The following GLDC variants were observed in gnomAD, a reference collection of about 807,000 sequenced individuals.
GLDC encodes glycine decarboxylase.
A neutral mutation model predicts 121.3 loss-of-function variants in GLDC; 104 were observed. The observed-to-expected ratio is 0.86, with a 90% CI of 0.73 to 1.01. The LOEUF (loss-of-function observed/expected upper bound fraction) is 1.01, where lower values mean the gene tolerates loss of function less well. GLDC is among the 50% of genes least tolerant of loss of function. The probability of loss-of-function intolerance (pLI) is 0.00; values close to 1 mark genes in which losing one functional copy is unlikely to be tolerated. For synonymous variants in GLDC, 546 were observed against 480.6 expected, an observed-to-expected ratio of 1.14 and a Z score of -1.78; for missense variants, 1,429 against 1,306.6, an observed-to-expected ratio of 1.09 and a Z score of -1.44.
At chr9:6,639,619 C>T in intron 2 of GLDC, 1 of 669,540 alleles carries the variant, frequency 1.5e-6, no homozygotes, top group Non-Finnish European at 2.7e-6. Flanking sequence ...TAAACTGAGT[C>T]CAGCTGCCTA....
intron 14 of GLDC, among the ~76,000 whole-genome samples, chr9:6,587,967 C>T (rs937214994): frequency 2.0e-5 from 3 of 152,036 alleles, no homozygotes; most frequent in African/African-American, 4.8e-5. Context: ...ACCACAACAG[C>T]GAGTTGCACA....
rs758288549 is a variant in GLDC at position 6,589,196 on chromosome 9, T to C, written c.1579A>G (p.Ser527Gly). 1.9e-6 allele frequency: 3 copies of C among 1,576,706 alleles called. No individual in the cohort carries two copies. Among genetic ancestry groups the C allele is most frequent in the East Asian group, 4.5e-5 (2 of 44,686 alleles). Reference protein sequence around the residue: ...SPFLTHQVFNSYHSETNIVRY... With the variant: ...SPFLTHQVFNGYHSETNIVRY... ...AGAAGTCACACAAGACACACAAACCTGTTGAACACTTGATGGGTGAGGAAC... is the reference window on the plus strand; with the variant it reads ...AGAAGTCACACAAGACACACAAACCCGTTGAACACTTGATGGGTGAGGAAC... The change falls in exon 12 of 25, where the codon AGC (serine) becomes GGC (glycine). Residue 527 changes from serine to glycine, a missense_variant and splice_region_variant. By Grantham distance (56) the Ser-to-Gly change is moderately conservative (BLOSUM62 0). Transcript: ENST00000321612.
intron 20 of GLDC, among the ~76,000 whole-genome samples, chr9:6,551,337 G>C (rs887377411): frequency 1.3e-5 from 2 of 152,150 alleles, no homozygotes; most frequent in African/African-American, 4.8e-5. Context: ...ATTTTGTCTG[G>C]TTTATTTTCC....
At chr9:6,624,421 C>A (rs1224157159) in intron 2 of GLDC, among the ~76,000 whole-genome samples, 2 of 152,136 alleles carry the variant, frequency 1.3e-5, no homozygotes, top group African/African-American at 4.8e-5. Flanking sequence ...GTGATGATGG[C>A]AGCAGAGACT....
chr9:6,596,759 C>T (rs186180394), intron 8 of GLDC, among the ~76,000 whole-genome samples: 13 of 152,198 alleles, frequency 8.5e-5, no homozygotes, highest in African/African-American at 2.2e-4. Flanking sequence ...GGTGAAAATA[C>T]GGAGAAATTA....
chr9:6,556,277 G>A lies in GLDC; in HGVS notation c.2078C>T (p.Ala693Val), dbSNP rs761555221. ...AMVDKHKENL[A>V]AIMITYPSTN... Reference sequence around the variant, plus strand: ...GGATGGGTATGTAATCATGATAGCTGCTAGGTTCTCCTTGTGCTTATCCAC... The same window carrying A: ...GGATGGGTATGTAATCATGATAGCTACTAGGTTCTCCTTGTGCTTATCCAC... The change falls in exon 18 of 25, where the codon GCA becomes GTA. Residue 693 changes from alanine (A) to valine (V), a missense_variant. Coordinates refer to ENST00000321612, the MANE Select transcript of GLDC (RefSeq NM_000170.3). 1.9e-6 allele frequency: 3 copies of A among 1,613,380 alleles called. No individual in the cohort carries two copies. The South Asian group carries it at 3.3e-5, about 18-fold the overall frequency.
chr9:6,610,498 T>C (rs763345943), intron 3 of GLDC, 142 bp from the exon 4 acceptor site: 3 of 771,084 alleles, frequency 3.9e-6, no homozygotes, highest in Non-Finnish European at 6.8e-6. Flanking sequence ...AGCTTCTTTT[T>C]GGCCTTTGTA....
chr9:6,605,646 G>A (rs930072248), intron 5 of GLDC, among the ~76,000 whole-genome samples: 4 of 152,180 alleles, frequency 2.6e-5, no homozygotes, highest in African/African-American at 9.7e-5. Context: ...AAAACCATAA[G>A]TAAGACAAGG....
intron 2 of GLDC, among the ~76,000 whole-genome samples, chr9:6,622,385 GCA>G (rs1587974377): frequency 6.9e-6 from 1 of 145,174 alleles, no homozygotes; most frequent in African/African-American, 2.5e-5. Context: ...GCGATTGCAG[GCA>G]CGCGCCGCCA....
intron 2 of GLDC, among the ~76,000 whole-genome samples, chr9:6,629,755 A>G (rs980190437): frequency 2.0e-5 from 3 of 151,414 alleles, no homozygotes; most frequent in Admixed American, 6.6e-5. Context: ...TAAAAATGCT[A>G]TACCTAAAGT....
intron 4 of GLDC, among the ~76,000 whole-genome samples, chr9:6,607,214 T>A (rs1485338961): frequency 6.6e-6 from 1 of 152,150 alleles, no homozygotes; most frequent in Non-Finnish European, 1.5e-5. Context: ...AATAACAATT[T>A]TTAAAAAATG....
At chr9:6,570,803 G>C (rs768600071) in intron 15 of GLDC, among the ~76,000 whole-genome samples, 1 of 141,522 alleles carries the variant, frequency 7.1e-6, no homozygotes, top group Non-Finnish European at 1.5e-5. Flanking sequence ...CCAGTGAGCT[G>C]AGATCGCACC....
At position 6,592,892 on chromosome 9, in the gene GLDC, C is replaced by G. The variant is rs761279734; in HGVS notation, c.1360G>C (p.Ala454Pro). Residue 454 changes from alanine to proline, a missense_variant, in exon 10 of 25, where the codon GCT becomes CCT. Transcript: ENST00000321612. The stretch of plus-strand genomic sequence containing the variant: ...AGCCGAAAATTGATCTGCCGCTGAG[C>G]GGCCCTGCCCAAGACCTCCTTCACT... ...CSVKEVLGRAAQRQINFRLFE... is the reference protein window; with the variant it reads ...CSVKEVLGRAPQRQINFRLFE... The G allele has an allele frequency of 6.2e-7, 1 of 1,613,824 alleles. No individual in the cohort carries two copies. The highest frequency in any genetic ancestry group is 1.7e-5 in the Admixed American group (1 of 60,030).
chr9:6,539,570 C>A (rs911853010), intron 22 of GLDC, among the ~76,000 whole-genome samples: 2 of 152,150 alleles, frequency 1.3e-5, no homozygotes, highest in African/African-American at 4.8e-5. Context: ...TGAATGAACA[C>A]CCACTAATGC....
intron 3 of GLDC, among the ~76,000 whole-genome samples, chr9:6,613,100 G>A (rs912732094): frequency 6.6e-6 from 1 of 152,096 alleles, no homozygotes; most frequent in African/African-American, 2.4e-5. Context: ...TTTATTGTAT[G>A]TTCCAAATGT....
At chr9:6,538,667 G>T (rs556918144) in intron 22 of GLDC, among the ~76,000 whole-genome samples, 1 of 152,208 alleles carries the variant, frequency 6.6e-6, no homozygotes, top group Non-Finnish European at 1.5e-5. Context: ...GAGACAACAT[G>T]ATTCAGAAAC....
chr9:6,574,808 C>A (rs894297210), intron 15 of GLDC, among the ~76,000 whole-genome samples: 2 of 152,092 alleles, frequency 1.3e-5, no homozygotes, highest in African/African-American at 2.4e-5. Context: ...CTGCACTAGG[C>A]TCGGTGGAAA....
intron 11 of GLDC, among the ~76,000 whole-genome samples, chr9:6,589,632 G>T (rs866947877): frequency 6.6e-6 from 1 of 152,090 alleles, no homozygotes; most frequent in South Asian, 2.1e-4. Context: ...TCACCATGCC[G>T]CCCAGGCTGG....
intron 3 of GLDC, among the ~76,000 whole-genome samples, chr9:6,617,927 A>G (rs1438386749): frequency 6.6e-6 from 1 of 152,232 alleles, no homozygotes; most frequent in Non-Finnish European, 1.5e-5. Flanking sequence ...CCCTTAAGTA[A>G]AGTTGGTTTT....
Sources: gnomAD v4.1 joint callset for allele counts (sites outside exome capture counted in the v4.1 genomes callset) on GRCh38, gnomAD v4.1.1 for gene constraint, MANE v1.5 for transcripts, NCBI Gene and HGNC (gene_info 2026-07-23, HGNC 2026-07-21) for gene names.